Variants in SULF2 observed in about 807,000 individuals in gnomAD.
SULF2 encodes sulfatase 2, also known as extracellular sulfatase Sulf-2.
SULF2 carries 52 observed loss-of-function variants against 107.7 expected under a neutral mutation model. The ratio of observed to expected loss-of-function variants is 0.48; its 90% CI spans 0.39 to 0.61. The LOEUF is 0.61. Among genes scored for constraint, SULF2 ranks in the 20% least tolerant of loss-of-function variants. The probability of loss-of-function intolerance (pLI) is 0.00; values close to 1 mark genes in which losing one functional copy is unlikely to be tolerated. For synonymous variants in SULF2, 460 were observed against 464.3 expected, an observed-to-expected ratio of 0.99 and a Z score of 0.12; for missense variants, 993 against 1,177.3, an observed-to-expected ratio of 0.84 and a Z score of 2.29.
chr20:47,672,610 C>G lies in SULF2; in HGVS notation c.1381-217G>C, dbSNP rs564035959. 42 of 929,054 alleles carry G rather than the reference C, an allele frequency of 4.5e-5. No homozygotes were observed. In the African/African-American group the frequency reaches 7.5e-4, roughly 16 times the overall value. The allele number at this position is 929,054 out of a possible 1,614,324, so 57.6% of individuals were successfully genotyped here. On this transcript the variant is annotated intron_variant, in intron 10 of 20. Transcript: ENST00000688720. ...TCATCCCCCAGCGAGATGCCTCCGA[C>G]AGCCACCACTCTCACGGTTACCTGC... is the stretch of plus-strand genomic sequence containing the variant.
chr20:47,676,385 C>G, intron 10 of SULF2, 109 bp downstream of exon 10: 1 of 1,265,290 alleles, frequency 7.9e-7, no homozygotes, highest in East Asian at 2.5e-5. Flanking sequence ...AAAGGACTAC[C>G]CGTTGGGAGG....
At chr20:47,728,236 C>G (rs113990952) in intron 3 of SULF2, among the ~76,000 whole-genome samples, 1,605 of 152,178 alleles carry the variant, frequency 0.011, 21 homozygotes, top group African/African-American at 0.037. Context: ...TGCGTGCACA[C>G]TTGTGTGCAC....
chr20:47,728,209 C>CTGTG (rs1172769821), intron 3 of SULF2, among the ~76,000 whole-genome samples: 24 of 152,074 alleles, frequency 1.6e-4, no homozygotes, highest in Admixed American at 9.8e-4. Flanking sequence ...AAGAAGGGAG[C>CTGTG]TGTGTGTGTG....
Position 47,736,659 on chromosome 20 carries a change from C to CA in SULF2, c.415+43_415+44insT, listed in dbSNP as rs766896525. The CA allele has an allele frequency of 2.5e-6, 4 of 1,611,012 alleles. No homozygotes were observed. In the Admixed American group the frequency reaches 6.7e-5, roughly 27 times the overall value. ...CAGACCACACCTAGGGACGCCCGCCCTGGCTGTCACTCCCTTCCTGCACCT... is the reference window on the plus strand; with the variant it reads ...CAGACCACACCTAGGGACGCCCGCCCATGGCTGTCACTCCCTTCCTGCACCT... On this transcript the variant is annotated intron_variant, in intron 3 of 20. Coordinates refer to ENST00000688720, the MANE Select transcript of SULF2 (RefSeq NM_001387048.1).
intron 10 of SULF2, 34 bp from the exon 11 acceptor site, chr20:47,672,427 C>T (rs1179649835): frequency 1.3e-6 from 2 of 1,512,030 alleles, no homozygotes; most frequent in Admixed American, 4.0e-5. Context: ...GCCAGCTGCT[C>T]ATCTGCTCCC....
chr20:47,756,078 G>A (rs1454946166), intron 2 of SULF2, among the ~76,000 whole-genome samples: 1 of 152,176 alleles, frequency 6.6e-6, no homozygotes, highest in African/African-American at 2.4e-5. Flanking sequence ...ATGAACAAAC[G>A]TGCAGGGCAT....
chr20:47,659,964 T>C (rs1185089098), intron 18 of SULF2, among the ~76,000 whole-genome samples: 1 of 152,208 alleles, frequency 6.6e-6, no homozygotes, highest in Non-Finnish European at 1.5e-5. Context: ...CATGATCAGT[T>C]TCAGGACCCT....
chr20:47,680,000 T>G (rs1222768282), intron 7 of SULF2, among the ~76,000 whole-genome samples: 1 of 152,222 alleles, frequency 6.6e-6, no homozygotes, highest in African/African-American at 2.4e-5. Flanking sequence ...GAAGGCTGGC[T>G]CAGGTGGTCA....
chr20:47,727,016 G>A (rs985177581), intron 3 of SULF2, among the ~76,000 whole-genome samples: 1 of 151,146 alleles, frequency 6.6e-6, no homozygotes, highest in African/African-American at 2.4e-5. Flanking sequence ...GAGGGGAAGA[G>A]CGGCAGGTTT....
At chr20:47,785,602 C>G (rs540951853), upstream of SULF2, 2 of 146,858 alleles carry the variant, frequency 1.4e-5, no homozygotes, top group African/African-American at 4.9e-5. Flanking sequence ...CTCCGCACCC[C>G]GCCCGGACCG....
intron 2 of SULF2, 115 bp from the exon 3 acceptor site, chr20:47,737,057 T>C: frequency 6.8e-7 from 1 of 1,481,390 alleles, no homozygotes; most frequent in Non-Finnish European, 9.2e-7. Flanking sequence ...TCTGCAGACC[T>C]ACGGGGCAGA....
At chr20:47,756,193 A>G (rs923875847) in intron 2 of SULF2, among the ~76,000 whole-genome samples, 2 of 152,114 alleles carry the variant, frequency 1.3e-5, no homozygotes, top group Non-Finnish European at 2.9e-5. Flanking sequence ...CCTCTGCAAA[A>G]TTCTTCAAGA....
At position 47,684,413 on chromosome 20, in the gene SULF2, C is replaced by T; in HGVS notation, c.888+18G>A. On this transcript the variant is annotated intron_variant, in intron 6 of 20. Transcript: ENST00000688720. Reference sequence around the variant, plus strand: ...GTTCGGAGCCACGCCCACCAAGAGGCATGCAGCGGGCGCCTACCGTCTCCA... The same window carrying T: ...GTTCGGAGCCACGCCCACCAAGAGGTATGCAGCGGGCGCCTACCGTCTCCA... The T allele has an allele frequency of 1.3e-6, 2 of 1,598,304 alleles. No homozygotes were observed. The highest frequency in any genetic ancestry group is 1.7e-6 in the Non-Finnish European group (2 of 1,171,992).
intron 3 of SULF2, among the ~76,000 whole-genome samples, chr20:47,705,799 CTTTTCTT>C (rs2088714509): frequency 8.9e-6 from 1 of 112,472 alleles, no homozygotes. Flanking sequence ...CTTTTCTTTT[CTTTTCTT>C]TTTTTTTTTT....
chr20:47,679,331 C>A (rs1413460736), intron 7 of SULF2, among the ~76,000 whole-genome samples: 1 of 152,196 alleles, frequency 6.6e-6, no homozygotes, highest in East Asian at 1.9e-4. Flanking sequence ...CCGTGACAGG[C>A]CTCAGTGGTC....
chr20:47,786,150 T>A (rs1277183149), upstream of SULF2: 1 of 152,240 alleles, frequency 6.6e-6, no homozygotes, highest in Non-Finnish European at 1.5e-5. Flanking sequence ...CAGAGCCTTG[T>A]GTGCACGTGT....
intron 3 of SULF2, among the ~76,000 whole-genome samples, chr20:47,725,287 C>T (rs555648105): frequency 2.6e-5 from 4 of 152,262 alleles, no homozygotes; most frequent in Admixed American, 1.3e-4. Context: ...TGGGAATATG[C>T]AAAAACCCTC....
At position 47,676,586 on chromosome 20, in the gene SULF2, C is replaced by A; in HGVS notation, c.1288G>T (p.Ala430Ser). The A allele has an allele frequency of 2.6e-6, 4 of 1,564,254 alleles. No homozygotes were observed. In the South Asian group the frequency reaches 4.7e-5, roughly 18 times the overall value. ...TTGGGCAGAAAGTTCTCCTCCTGGG[C>A]GTCCACCTTGTCATTGTCTCTCTTG... Reference protein sequence around the residue: ...LHKRDNDKVDAQEENFLPKYQ... With the variant: ...LHKRDNDKVDSQEENFLPKYQ... The change falls in exon 10 of 21, where the codon GCC becomes TCC. Residue 430 changes from alanine to serine, a missense_variant. Around this residue, in one of 3 missense-constraint regions of SULF2, gnomAD observed 108 missense variants for 183.9 expected, o/e 0.59. Transcript: ENST00000688720.
At chr20:47,782,067 T>C (rs2090842719) in intron 1 of SULF2, among the ~76,000 whole-genome samples, 1 of 152,318 alleles carries the variant, frequency 6.6e-6, no homozygotes, top group African/African-American at 2.4e-5. Flanking sequence ...TCTTTTTCCG[T>C]TGCTTGCAAG....
Sources: gnomAD v4.1 joint callset for allele counts (sites outside exome capture counted in the v4.1 genomes callset) on GRCh38, gnomAD v4.1.1 for gene constraint, gnomAD v4.1.1 regional missense constraint, MANE v1.5 for transcripts, NCBI Gene and HGNC (gene_info 2026-07-23, HGNC 2026-07-21) for gene names.